The following DNM1 variants were observed in gnomAD, a reference collection of about 807,000 sequenced individuals.
The protein encoded by DNM1 is dynamin 1, also known as dynamin-1.
DNM1 carries 29 observed loss-of-function variants against 104.6 expected under a neutral mutation model. The observed-to-expected ratio is 0.28, with a 90% confidence interval of 0.21 to 0.38. DNM1 has a LOEUF of 0.38. Ranked by LOEUF, DNM1 falls within the 10% of genes least tolerant of loss-of-function variation. DNM1 has a pLI of 1.00. For synonymous variants in DNM1, 445 were observed against 475.8 expected (o/e 0.94, Z 0.84); for missense variants, 640 against 1,189.4 (o/e 0.54, Z 6.79).
Position 128,240,063 on chromosome 9 carries a change from A to G in DNM1, c.1557+67A>G. On this transcript the variant is annotated intron_variant, in intron 14 of 21. Transcript: ENST00000372923. This position sits in a 1 kb window ranked among gnomAD's most constrained non-coding sequence, Gnocchi z 5.1. ...GGCGGAGGGTCCATCGGCAGTGGGGATCTGCAACGGGTAGGAGGGCACCCT... is the reference window on the plus strand; with the variant it reads ...GGCGGAGGGTCCATCGGCAGTGGGGGTCTGCAACGGGTAGGAGGGCACCCT... 1 of 1,583,228 alleles carries G rather than the reference A, an allele frequency of 6.3e-7. No individual in the cohort carries two copies. Among genetic ancestry groups the G allele is most frequent in the South Asian group, 1.1e-5 (1 of 90,496 alleles).
intron 10 of DNM1, among the ~76,000 whole-genome samples, chr9:128,230,216 CAAA>C (rs574620137): frequency 1.3e-5 from 1 of 76,684 alleles, no homozygotes; most frequent in Admixed American, 1.6e-4. Context: ...GACTCCGTCT[CAAA>C]AAAAAAAAAA....
At position 128,219,236 on chromosome 9, in the gene DNM1, G is replaced by C. The variant is rs904992382; in HGVS notation, c.573G>C (p.Lys191Asn). Reference sequence around the variant, plus strand: ...ATTCTGACGCCCTCAAGGTCGCCAAGGAGGTGGACCCCCAGGGTAGGTTCC... The same window carrying C: ...ATTCTGACGCCCTCAAGGTCGCCAACGAGGTGGACCCCCAGGGTAGGTTCC... ...LANSDALKVA[K>N]EVDPQGQRTI... The change falls in exon 4 of 22, where the codon AAG becomes AAC. Residue 191 changes from lysine (K) to asparagine (N), a missense_variant. Coordinates refer to ENST00000372923, the MANE Select transcript of DNM1 (RefSeq NM_004408.4). 1.9e-6 allele frequency: 3 copies of C among 1,614,150 alleles called. No homozygotes were observed. Among genetic ancestry groups the C allele is most frequent in the Non-Finnish European group, 2.5e-6 (3 of 1,180,036 alleles).
At position 128,229,375 on chromosome 9, in the gene DNM1, A is replaced by C. The variant is rs146672542; in HGVS notation, c.1336-4646A>C. ...GTTATTTTAGAGACCCTGTCTCTAA[A>C]ATAAATAAAAAAGAAGTTAGAGACC... On this transcript the variant is annotated intron_variant, in intron 10 of 21. Coordinates refer to ENST00000372923, the MANE Select transcript of DNM1 (RefSeq NM_004408.4). 6.5e-4 allele frequency among the ~76,000 whole-genome samples: 98 copies of C among 151,426 alleles called. No homozygotes were observed. In the East Asian group the frequency reaches 0.014, roughly 22 times the overall value.
chr9:128,239,290 GCT>G (rs1836210916), intron 11 of DNM1, among the ~76,000 whole-genome samples, 153 bp from the exon 12 acceptor site: 1 of 152,142 alleles, frequency 6.6e-6, no homozygotes, highest in Admixed American at 6.5e-5. Flanking sequence ...GAGCCACCAC[GCT>G]CAGCTTTTGT....
At chr9:128,212,122 A>G (rs1834338622) in intron 1 of DNM1, among the ~76,000 whole-genome samples, 1 of 152,232 alleles carries the variant, frequency 6.6e-6, no homozygotes, top group Admixed American at 6.5e-5. Context: ...GTGCTCAGGA[A>G]CTGGGACCTG....
chr9:128,207,890 C>T (rs2131095394), intron 1 of DNM1, among the ~76,000 whole-genome samples: 1 of 152,018 alleles, frequency 6.6e-6, no homozygotes, highest in South Asian at 2.1e-4. Flanking sequence ...TGGGGATCTT[C>T]TCCATCCAGG....
In DNM1 at chr9:128,222,801, T is replaced by C. The variant is rs1835101654; in HGVS notation, c.1137T>C (p.Phe379=). ...TCTGCTTTTCTACACAGATGGAGTT[T>C]GATGAGAAGGAACTCCGAAGGGAGA... ...RFPFELVKME[F]DEKELRREIS... is the part of the protein sequence containing the mutation. The change falls in exon 9 of 22, where the codon TTT becomes TTC. Residue 379 remains phenylalanine, a synonymous_variant. Transcript: ENST00000372923. The surrounding 1 kb of genome is among the most constrained non-coding windows in gnomAD (Gnocchi z 7.8). The C allele has an allele frequency of 6.2e-7, 1 of 1,613,992 alleles. No homozygotes were observed. Among genetic ancestry groups the C allele is most frequent in the Admixed American group, 1.7e-5 (1 of 60,004 alleles).
rs1834850864 is a variant in DNM1, at chr9:128,220,052, T to C, written c.654T>C (p.Asp218=). 1 of 1,611,340 alleles carries C rather than the reference T, an allele frequency of 6.2e-7. No individual in the cohort carries two copies. Among genetic ancestry groups the C allele is most frequent in the African/African-American group, 1.3e-5 (1 of 74,990 alleles). Residue 218 remains aspartate, a synonymous_variant, in exon 5 of 22, where the codon GAT becomes GAC. Coordinates refer to ENST00000372923, the MANE Select transcript of DNM1 (RefSeq NM_004408.4). The surrounding 1 kb of genome is among the most constrained non-coding windows in gnomAD (Gnocchi z 5.2). ...DLMDEGTDAR[D]VLENKLLPLR... ...TGGACGAGGGCACAGATGCCCGTGA[T>C]GTGCTGGAGAACAAGCTGCTCCCCC... is the stretch of plus-strand genomic sequence containing the variant.
At chr9:128,239,357 C>A in intron 11 of DNM1, 88 bp from the exon 12 acceptor site, 2 of 947,866 alleles carry the variant, frequency 2.1e-6, no homozygotes, top group Non-Finnish European at 3.4e-6. Context: ...CCTATATGTG[C>A]TGCAAGTACT....
chr9:128,206,950 G>A (rs1012799290), intron 1 of DNM1, among the ~76,000 whole-genome samples: 1 of 152,026 alleles, frequency 6.6e-6, no homozygotes, highest in African/African-American at 2.4e-5. Context: ...TGGGCAGGGG[G>A]TAGTGGGGGG....
At chr9:128,207,911 G>A (rs1265796063) in intron 1 of DNM1, among the ~76,000 whole-genome samples, 1 of 151,922 alleles carries the variant, frequency 6.6e-6, no homozygotes, top group East Asian at 1.9e-4. Flanking sequence ...GTAGGGTAGG[G>A]GTCCTGAGGA....
rs764950748 is a variant in DNM1 at position 128,219,041 on chromosome 9, C to G, written c.386-8C>G. ...GCCTTGAGCCCGCCCTCTCGCCGCCCTGTCCAGTGCTGAACCTGACCCTGG... is the reference window on the plus strand; with the variant it reads ...GCCTTGAGCCCGCCCTCTCGCCGCCGTGTCCAGTGCTGAACCTGACCCTGG... On this transcript the variant is annotated splice_polypyrimidine_tract_variant and splice_region_variant and intron_variant, in intron 3 of 21. Transcript: ENST00000372923. 1 of 1,613,766 alleles carries G rather than the reference C, an allele frequency of 6.2e-7. No individual in the cohort carries two copies. The highest frequency in any genetic ancestry group is 1.7e-5 in the Admixed American group (1 of 60,026).
In DNM1 at chr9:128,248,060, G is replaced by A; in HGVS notation, c.1905+125G>A. 1.5e-6 allele frequency: 2 copies of A among 1,320,496 alleles called. No homozygotes were observed. The highest frequency in any genetic ancestry group is 2.2e-6 in the Non-Finnish European group (2 of 918,886). 81.8% of individuals were successfully genotyped at this position (1,320,496 alleles called of 1,614,324 possible). ...TTTCTGGATTGGGGCCAGGCGCAGT[G>A]GCTCACACCTGTAAACCCAACACTT... On this transcript the variant is annotated intron_variant, in intron 18 of 21. Coordinates refer to ENST00000372923, the MANE Select transcript of DNM1 (RefSeq NM_004408.4). This position sits in a 1 kb window ranked among gnomAD's most constrained non-coding sequence, Gnocchi z 5.6.
rs2131251443 is a variant in DNM1 at position 128,239,484 on chromosome 9, A to G, written c.1462A>G (p.Thr488Ala). 3 of 1,614,010 alleles carry G rather than the reference A, an allele frequency of 1.9e-6. No homozygotes were observed. Among genetic ancestry groups the G allele is most frequent in the Non-Finnish European group, 2.5e-6 (3 of 1,179,976 alleles). The stretch of plus-strand genomic sequence containing the variant: ...CGATATCGAGCTGGCTTACATGAAC[A>G]CCAACCATGAGGACTTCATAGGCTT... Reference protein sequence around the residue: ...LIDIELAYMNTNHEDFIGFAN... With the variant: ...LIDIELAYMNANHEDFIGFAN... Residue 488 changes from threonine to alanine, a missense_variant, in exon 12 of 22, where the codon ACC (threonine) becomes GCC (alanine). By Grantham distance (58) the Thr-to-Ala change is moderately conservative (BLOSUM62 0). This residue lies in a region of DNM1 where 92 missense variants were observed against 124.4 expected (regional missense o/e 0.74). Coordinates refer to ENST00000372923, the MANE Select transcript of DNM1 (RefSeq NM_004408.4).
chr9:128,212,982 G>T (rs927804476), intron 1 of DNM1, among the ~76,000 whole-genome samples: 8 of 152,192 alleles, frequency 5.3e-5, no homozygotes, highest in African/African-American at 1.7e-4. Flanking sequence ...GTTTAGCCAT[G>T]ATGATGATGA....
intron 1 of DNM1, among the ~76,000 whole-genome samples, chr9:128,210,071 G>T (rs975664328): frequency 2.0e-5 from 3 of 151,800 alleles, no homozygotes; most frequent in African/African-American, 4.8e-5. Flanking sequence ...TGTAAGACAG[G>T]ATCTCACTCT....
At chr9:128,214,782 G>T (rs1182255780) in intron 1 of DNM1, among the ~76,000 whole-genome samples, 1 of 152,252 alleles carries the variant, frequency 6.6e-6, no homozygotes, top group Non-Finnish European at 1.5e-5. Flanking sequence ...TGGCATGCCA[G>T]CAGCCGCCCC....
chr9:128,254,229 C>T lies in DNM1; in HGVS notation c.2535-425C>T, dbSNP rs192908463. The T allele has an allele frequency of 1.4e-3, 1,917 of 1,360,270 alleles. 20 individuals are homozygous for T. The African/African-American group carries it at 0.026, about 18-fold the overall frequency. 84.3% of individuals were successfully genotyped at this position (1,360,270 alleles called of 1,614,324 possible). A position where few individuals can be genotyped will look rare whatever the true frequency, so the allele number is the denominator to read the frequency against. ...TCACCCTCCTGGTTCAAGCAGTGTT[C>T]TTTCTCTATCAGGCCTGGTGGCTGT... On this transcript the variant is annotated intron_variant, in intron 21 of 21. Coordinates refer to ENST00000372923, the MANE Select transcript of DNM1 (RefSeq NM_004408.4). The surrounding 1 kb of genome is among the most constrained non-coding windows in gnomAD (Gnocchi z 6.1).
chr9:128,253,397 A>C lies in DNM1; in HGVS notation c.2535-1257A>C. The C allele has an allele frequency of 1.8e-6, 1 of 542,558 alleles. No individual in the cohort carries two copies. The highest frequency in any genetic ancestry group is 3.3e-6 in the Non-Finnish European group (1 of 302,544). 33.6% of individuals were successfully genotyped at this position (542,558 alleles called of 1,614,324 possible). ...GCTCTTGGAACAGGCTCCGCGCCCA[A>C]GCTGGCAGACATGGGTGCTCTCTGG... On this transcript the variant is annotated intron_variant, in intron 21 of 21. Coordinates refer to ENST00000372923, the MANE Select transcript of DNM1 (RefSeq NM_004408.4). The surrounding 1 kb of genome is among the most constrained non-coding windows in gnomAD (Gnocchi z 5.9).
Sources: gnomAD v4.1 joint callset for allele counts (sites outside exome capture counted in the v4.1 genomes callset) on GRCh38, gnomAD v4.1.1 for gene constraint, gnomAD v4.1.1 regional missense constraint, Gnocchi (gnomAD v3.1) non-coding constraint, MANE v1.5 for transcripts, NCBI Gene and HGNC (gene_info 2026-07-23, HGNC 2026-07-21) for gene names.